The following FUT8 variants were observed in gnomAD, a reference collection of about 807,000 sequenced individuals.
FUT8 encodes fucosyltransferase 8.
FUT8 carries 29 observed loss-of-function variants against 71.3 expected under a neutral mutation model. That is an observed-to-expected ratio of 0.41 (90% CI 0.30 to 0.55). The LOEUF is 0.55. FUT8 is among the 20% of genes least tolerant of loss of function. The pLI, the probability that FUT8 is intolerant of heterozygous loss-of-function variation, is 0.34. For synonymous variants in FUT8, 254 were observed against 239.3 expected (o/e 1.06, Z -0.57); for missense variants, 544 against 702.1 (o/e 0.77, Z 2.55).
intron 3 of FUT8, among the ~76,000 whole-genome samples, chr14:65,591,857 G>C (rs1366320311): frequency 6.9e-6 from 1 of 144,662 alleles, no homozygotes; most frequent in Non-Finnish European, 1.5e-5. Context: ...TTTTTTTTTG[G>C]TGTATGTCAT....
intron 7 of FUT8, among the ~76,000 whole-genome samples, chr14:65,710,202 AACTC>A (rs1894746817): frequency 6.6e-6 from 1 of 152,188 alleles, no homozygotes; most frequent in African/African-American, 2.4e-5. Context: ...CTATAAAAGA[AACTC>A]ATTTAAGTTT....
chr14:65,505,313 T>G (rs1020189144), intron 2 of FUT8, among the ~76,000 whole-genome samples: 9 of 138,712 alleles, frequency 6.5e-5, no homozygotes, highest in African/African-American at 2.2e-4. Context: ...TCAGTTTTTT[T>G]TTTTTTTTTT....
intron 5 of FUT8, among the ~76,000 whole-genome samples, chr14:65,628,471 A>G (rs1351457627): frequency 6.6e-6 from 1 of 152,244 alleles, no homozygotes; most frequent in Non-Finnish European, 1.5e-5. Context: ...GTTGTAATCC[A>G]GGTGAGAGAA....
At chr14:65,445,342 C>T (rs75665062) in intron 1 of FUT8, among the ~76,000 whole-genome samples, 8 of 152,286 alleles carry the variant, frequency 5.3e-5, no homozygotes, top group South Asian at 4.2e-4. Context: ...CAGATGCTGG[C>T]GCCTTGATCT....
chr14:65,575,894 AC>A (rs1203956127), intron 3 of FUT8, among the ~76,000 whole-genome samples: 1 of 152,196 alleles, frequency 6.6e-6, no homozygotes. Context: ...TGCTAAGATT[AC>A]AAGTGTGAGC....
intron 2 of FUT8, among the ~76,000 whole-genome samples, chr14:65,496,948 A>G (rs1023554146): frequency 2.0e-5 from 3 of 152,148 alleles, no homozygotes; most frequent in African/African-American, 7.2e-5. Flanking sequence ...GACATTGGGC[A>G]AGTTACTAGA....
chr14:65,635,204 C>T lies in FUT8; in HGVS notation c.597+5598C>T, dbSNP rs189999653. ...TGTATGTTAATGTTGTTTCCGTAAA[C>T]TCTACTGAATTCTTCCTCAGTTCTA... On this transcript the variant is annotated intron_variant, in intron 6 of 10. Coordinates refer to ENST00000673929, the MANE Select transcript of FUT8 (RefSeq NM_001371533.1). Among the ~76,000 whole-genome samples, 388 of 152,240 alleles carry T rather than the reference C, an allele frequency of 2.5e-3. 5 individuals are homozygous for T. Among genetic ancestry groups the T allele is most frequent in the African/African-American group, 8.8e-3 (367 of 41,532 alleles).
chr14:65,475,670 A>G (rs1423584246), intron 2 of FUT8, among the ~76,000 whole-genome samples: 1 of 151,950 alleles, frequency 6.6e-6, no homozygotes, highest in African/African-American at 2.4e-5. Context: ...GAGCTCAGGT[A>G]TTTGAGGCTG....
chr14:65,505,617 C>T (rs937322051), intron 2 of FUT8, among the ~76,000 whole-genome samples: 2 of 152,110 alleles, frequency 1.3e-5, no homozygotes, highest in Admixed American at 6.6e-5. Context: ...CGGCCTACAT[C>T]TCAGTTTTAT....
chr14:65,614,713 A>G (rs1245030356), intron 3 of FUT8, among the ~76,000 whole-genome samples: 2 of 152,168 alleles, frequency 1.3e-5, no homozygotes, highest in African/African-American at 4.8e-5. Context: ...ATCTTCTTCT[A>G]CCTTCCTCTT....
At chr14:65,634,600 C>A (rs1351569064) in intron 6 of FUT8, among the ~76,000 whole-genome samples, 1 of 151,784 alleles carries the variant, frequency 6.6e-6, no homozygotes, top group Non-Finnish European at 1.5e-5. Context: ...TGTCCTTTCC[C>A]CACTTGTTTG....
At chr14:65,612,673 C>T (rs1410825764) in intron 3 of FUT8, among the ~76,000 whole-genome samples, 2 of 152,180 alleles carry the variant, frequency 1.3e-5, no homozygotes, top group Admixed American at 1.3e-4. Flanking sequence ...CTGCATTTCC[C>T]CTCCATACAC....
chr14:65,454,031 T>C (rs910183563), intron 1 of FUT8, among the ~76,000 whole-genome samples: 1 of 152,200 alleles, frequency 6.6e-6, no homozygotes, highest in African/African-American at 2.4e-5. Flanking sequence ...GGAACACAGA[T>C]CTACACTAAT....
intron 3 of FUT8, among the ~76,000 whole-genome samples, chr14:65,606,383 T>A (rs1210634149): frequency 6.6e-6 from 1 of 151,830 alleles, no homozygotes; most frequent in African/African-American, 2.4e-5. Flanking sequence ...TGCCCAAAAA[T>A]TTTTAAGTTT....
chr14:65,515,871 T>C (rs1007462368), intron 2 of FUT8, among the ~76,000 whole-genome samples: 1 of 152,224 alleles, frequency 6.6e-6, no homozygotes, highest in Non-Finnish European at 1.5e-5. Context: ...AGCAGCAAAA[T>C]ATCATTGCCT....
At chr14:65,637,420 G>C (rs1890615868) in intron 6 of FUT8, among the ~76,000 whole-genome samples, 1 of 152,120 alleles carries the variant, frequency 6.6e-6, no homozygotes. Flanking sequence ...CTGCTAGTTA[G>C]AGCAAATAGC....
intron 7 of FUT8, among the ~76,000 whole-genome samples, chr14:65,686,789 CT>C (rs1893307893): frequency 6.6e-6 from 1 of 152,138 alleles, no homozygotes; most frequent in Non-Finnish European, 1.5e-5. Flanking sequence ...TGTATTTCCA[CT>C]TTTATCAAAT....
Position 65,643,707 on chromosome 14 carries a change from CACACA to C in FUT8, c.597+14102_597+14106del, listed in dbSNP as rs1270576307. ...ACACACACACACACACACACACACA[CACACA>C]CACCAGATTCCATTCTAGATGCTAT... On this transcript the variant is annotated intron_variant, in intron 6 of 10. Transcript: ENST00000673929. This position sits in a 1 kb window ranked among gnomAD's most constrained non-coding sequence, Gnocchi z 4.5. 7.3e-6 allele frequency among the ~76,000 whole-genome samples: 1 copy of C among 136,980 alleles called. No individual in the cohort carries two copies. The highest frequency in any genetic ancestry group is 1.6e-5 in the Non-Finnish European group (1 of 60,766). The allele number at this position is 136,980 out of a possible 152,430, so 89.9% of individuals were successfully genotyped here.
the FUT8 span, among the ~76,000 whole-genome samples, chr14:65,398,728 CA>C: frequency 4.8e-3 from 612 of 128,098 alleles, 2 homozygotes; most frequent in Non-Finnish European, 7.5e-3. Context: ...GACTCCATCT[CA>C]AAAAAAAAAA....
Sources: gnomAD v4.1 joint callset for allele counts (sites outside exome capture counted in the v4.1 genomes callset) on GRCh38, gnomAD v4.1.1 for gene constraint, Gnocchi (gnomAD v3.1) non-coding constraint, MANE v1.5 for transcripts, NCBI Gene and HGNC (gene_info 2026-07-23, HGNC 2026-07-21) for gene names.